The following SHANK2 variants were observed in gnomAD, a reference collection of about 807,000 sequenced individuals.
SHANK2 encodes SH3 and multiple ankyrin repeat domains protein 2.
In SHANK2, 43 loss-of-function variants were observed where a neutral mutation model predicts 133.7. The ratio of observed to expected loss-of-function variants is 0.32; its 90% CI spans 0.25 to 0.41. SHANK2 has a LOEUF of 0.41. SHANK2 is among the 10% of genes least tolerant of loss of function. The pLI, the probability that SHANK2 is intolerant of heterozygous loss-of-function variation, is 1.00. For missense variants in SHANK2, 1,994 were observed against 2,235.8 expected (o/e 0.89, Z 2.18); for synonymous variants, 1,017 against 952.8 (o/e 1.07, Z -1.24).
At chr11:70,649,086 T>G (rs2134201570) in intron 17 of SHANK2, among the ~76,000 whole-genome samples, 1 of 152,250 alleles carries the variant, frequency 6.6e-6, no homozygotes. Context: ...ATGGCGACGT[T>G]CATCTCCTCA....
intron 11 of SHANK2, among the ~76,000 whole-genome samples, chr11:70,867,433 T>A (rs1394581164): frequency 6.6e-6 from 1 of 152,118 alleles, no homozygotes; most frequent in Non-Finnish European, 1.5e-5. Flanking sequence ...GAGCCGCTGT[T>A]AACAGCAAAC....
chr11:71,117,646 C>T (rs1952004130), intron 4 of SHANK2, among the ~76,000 whole-genome samples: 1 of 152,204 alleles, frequency 6.6e-6, no homozygotes, highest in African/African-American at 2.4e-5. Flanking sequence ...CATAAAAATA[C>T]CTCAACAATG....
chr11:70,477,032 C>T (rs1476492443), intron 25 of SHANK2, among the ~76,000 whole-genome samples: 1 of 152,234 alleles, frequency 6.6e-6, no homozygotes, highest in African/African-American at 2.4e-5. Flanking sequence ...AAAGGCTCTG[C>T]AGGCAGCTGT....
intron 2 of SHANK2, among the ~76,000 whole-genome samples, chr11:71,220,778 T>C (rs1230764964): frequency 6.7e-6 from 1 of 148,698 alleles, no homozygotes; most frequent in Non-Finnish European, 1.5e-5. Context: ...GGAAGAGGAA[T>C]GGGGAGGGAG....
chr11:70,827,964 C>T (rs1437756441), intron 11 of SHANK2, among the ~76,000 whole-genome samples: 3 of 152,082 alleles, frequency 2.0e-5, no homozygotes, highest in Non-Finnish European at 4.4e-5. Flanking sequence ...AGTGTACGCC[C>T]TATATCAGCT....
At chr11:70,764,479 G>C (rs530754954) in intron 14 of SHANK2, among the ~76,000 whole-genome samples, 16 of 120,464 alleles carry the variant, frequency 1.3e-4, no homozygotes, top group African/African-American at 4.9e-4. Context: ...CACATCAATC[G>C]ATCCTTTATC....
intron 14 of SHANK2, among the ~76,000 whole-genome samples, chr11:70,769,076 G>A (rs527565610): frequency 1.3e-5 from 2 of 152,170 alleles, no homozygotes; most frequent in Non-Finnish European, 2.9e-5. Context: ...TTCGCTGAGA[G>A]GCTTTATTCC....
At chr11:71,092,285 C>A (rs1288591487) in intron 8 of SHANK2, 137 bp downstream of exon 8, 2 of 809,004 alleles carry the variant, frequency 2.5e-6, no homozygotes, top group Non-Finnish European at 4.0e-6. Flanking sequence ...CACATATTTT[C>A]AGGAACTCTG....
rs142841513 is a variant in SHANK2, at chr11:70,726,364, T to C, written c.1778-27601A>G. The stretch of plus-strand genomic sequence containing the variant: ...GAGCACCAGAAACCTCTGGTCAAGG[T>C]GCACTTTGTTAATTCACCAATGCCT... On this transcript the variant is annotated intron_variant, in intron 14 of 25. Coordinates refer to ENST00000601538, the MANE Select transcript of SHANK2 (RefSeq NM_012309.5). 4.7e-3 allele frequency among the ~76,000 whole-genome samples: 710 copies of C among 151,984 alleles called. 7 individuals carry two copies. The highest frequency in any genetic ancestry group is 0.017 in the Middle Eastern group (5 of 294).
rs1555118714 is a variant in SHANK2, at chr11:71,210,250, ATATT to A, written c.-13+14443_-13+14446del. Among the ~76,000 whole-genome samples, 269 of 85,388 alleles carry A rather than the reference ATATT, an allele frequency of 3.2e-3. 4 individuals are homozygous for A. The highest frequency in any genetic ancestry group is 0.017 in the East Asian group (45 of 2,626). The allele number at this position is 85,388 out of a possible 152,430, so 56.0% of individuals were successfully genotyped here. On this transcript the variant is annotated intron_variant, in intron 2 of 25. Transcript: ENST00000601538. ...TATATATATATATATATATATATAT[ATATT>A]TATTTATTTTTTGAAACAGAGTCTC...
At chr11:71,129,916 A>G (rs1201000721) in intron 3 of SHANK2, among the ~76,000 whole-genome samples, 4 of 152,200 alleles carry the variant, frequency 2.6e-5, no homozygotes, top group South Asian at 2.1e-4. Context: ...TCTGGAAGCC[A>G]TAAGTCTGAG....
At chr11:71,109,443 A>T (rs190027894) in intron 6 of SHANK2, among the ~76,000 whole-genome samples, 2 of 152,312 alleles carry the variant, frequency 1.3e-5, no homozygotes, top group East Asian at 3.9e-4. Context: ...CACTCGTGGA[A>T]CCACCAAGGG....
chr11:70,711,544 A>G (rs1945783818), intron 14 of SHANK2, among the ~76,000 whole-genome samples: 1 of 152,250 alleles, frequency 6.6e-6, no homozygotes, highest in Non-Finnish European at 1.5e-5. Context: ...GCAGTGCCGC[A>G]GGCAGGAATG....
chr11:70,603,062 G>A (rs1270322956), intron 17 of SHANK2, among the ~76,000 whole-genome samples: 1 of 152,260 alleles, frequency 6.6e-6, no homozygotes, highest in African/African-American at 2.4e-5. Flanking sequence ...CGTTAGCTTT[G>A]TTTAGTGATA....
chr11:70,769,604 G>A (rs1231496473), intron 14 of SHANK2, among the ~76,000 whole-genome samples: 1 of 152,218 alleles, frequency 6.6e-6, no homozygotes, highest in Non-Finnish European at 1.5e-5. Context: ...CACATGAAAT[G>A]GCATGTGCGT....
At chr11:70,789,316 A>G (rs1430262028) in intron 14 of SHANK2, among the ~76,000 whole-genome samples, 3 of 152,158 alleles carry the variant, frequency 2.0e-5, no homozygotes, top group Admixed American at 2.0e-4. Context: ...ACTGCAAACC[A>G]CATCTGTTTC....
chr11:70,924,510 G>A (rs1590838632), intron 10 of SHANK2, among the ~76,000 whole-genome samples: 1 of 152,244 alleles, frequency 6.6e-6, no homozygotes, highest in African/African-American at 2.4e-5. Context: ...TGGTTGGAGT[G>A]CAGTGGCACG....
chr11:70,615,832 G>A (rs1554995766), intron 17 of SHANK2, among the ~76,000 whole-genome samples: 1 of 152,188 alleles, frequency 6.6e-6, no homozygotes, highest in African/African-American at 2.4e-5. Flanking sequence ...ACCTTGGCCG[G>A]TATTGGCTTT....
In SHANK2 at chr11:70,726,934, C is replaced by T. The variant is rs562168571; in HGVS notation, c.1778-28171G>A. Reference sequence around the variant, plus strand: ...TGAGACCCAGATGCCCTGGTCATCCCTGCCAACTTGCTGAGAGCTCACCAA... The same window carrying T: ...TGAGACCCAGATGCCCTGGTCATCCTTGCCAACTTGCTGAGAGCTCACCAA... On this transcript the variant is annotated intron_variant, in intron 14 of 25. Transcript: ENST00000601538. Among the ~76,000 whole-genome samples, 12 of 152,388 alleles carry T rather than the reference C, an allele frequency of 7.9e-5. No homozygotes were observed. The East Asian group carries it at 2.1e-3, about 27-fold the overall frequency.
Sources: allele counts gnomAD v4.1 joint callset (sites outside exome capture counted in the v4.1 genomes callset), GRCh38; gene constraint gnomAD v4.1.1; transcripts MANE v1.5; gene names NCBI Gene and HGNC (gene_info 2026-07-23, HGNC 2026-07-21).